Variants in TMEM178B observed in about 807,000 individuals in gnomAD.
TMEM178B encodes transmembrane protein 178B.
TMEM178B carries 5 observed loss-of-function variants against 31.0 expected under a neutral mutation model. The ratio of observed to expected loss-of-function variants is 0.16; its 90% CI spans 0.08 to 0.34. TMEM178B has a LOEUF of 0.34. TMEM178B is among the 10% of genes least tolerant of loss of function. The pLI is 1.00. For missense variants in TMEM178B, 275 were observed against 400.3 expected, an observed-to-expected ratio of 0.69 and a Z score of 2.67; for synonymous variants, 164 against 164.0, an observed-to-expected ratio of 1.00 and a Z score of 0.00.
chr7:141,459,878 G>A lies in TMEM178B; in HGVS notation c.635-10658G>A, dbSNP rs550442350. ...ATCCAATCTAAACTTACACCCAAAA[G>A]AACAAATGGATTGAAGGGAGCTGAG... On this transcript the variant is annotated intron_variant, in intron 3 of 3. Coordinates refer to ENST00000565468, the MANE Select transcript of TMEM178B (RefSeq NM_001195278.2). Among the ~76,000 whole-genome samples, 39 of 148,164 alleles carry A rather than the reference G, an allele frequency of 2.6e-4. No homozygotes were observed. In the South Asian group the frequency reaches 6.4e-3, roughly 24 times the overall value.
intron 2 of TMEM178B, among the ~76,000 whole-genome samples, chr7:141,262,366 A>G (rs963019112): frequency 6.6e-6 from 1 of 151,920 alleles, no homozygotes; most frequent in Non-Finnish European, 1.5e-5. Context: ...AATGATTTCA[A>G]ATAAAATGGA....
At chr7:141,396,686 A>G (rs1016610126) in intron 2 of TMEM178B, among the ~76,000 whole-genome samples, 1 of 152,198 alleles carries the variant, frequency 6.6e-6, no homozygotes, top group African/African-American at 2.4e-5. Context: ...GAAAAATGGG[A>G]TAAGGTTTAA....
intron 1 of TMEM178B, among the ~76,000 whole-genome samples, chr7:141,163,537 G>A (rs907686719): frequency 2.7e-5 from 4 of 149,942 alleles, no homozygotes; most frequent in Non-Finnish European, 4.4e-5. Context: ...TTTTGAGACG[G>A]TGTCTTGTTC....
chr7:141,492,321 C>A, the TMEM178B span, among the ~76,000 whole-genome samples: 1 of 152,192 alleles, frequency 6.6e-6, no homozygotes, highest in African/African-American at 2.4e-5. Context: ...AAAAGTAAAT[C>A]CTTCTCTCTT....
chr7:141,122,646 A>G (rs921587684), intron 1 of TMEM178B, among the ~76,000 whole-genome samples: 1 of 152,238 alleles, frequency 6.6e-6, no homozygotes, highest in Non-Finnish European at 1.5e-5. Context: ...AACTTTAAAT[A>G]TGATTACACA....
At chr7:141,371,268 T>A (rs1800110335) in intron 2 of TMEM178B, among the ~76,000 whole-genome samples, 1 of 151,972 alleles carries the variant, frequency 6.6e-6, no homozygotes, top group African/African-American at 2.4e-5. Flanking sequence ...GAGTTCTCAC[T>A]CTATTAGTTC....
chr7:141,165,180 A>T (rs566606578), intron 1 of TMEM178B, among the ~76,000 whole-genome samples: 182 of 78,120 alleles, frequency 2.3e-3, no homozygotes, highest in East Asian at 9.5e-3. Flanking sequence ...GCTTATTTTT[A>T]TACTAATGTC....
intron 2 of TMEM178B, among the ~76,000 whole-genome samples, chr7:141,411,313 C>T (rs1317736075): frequency 2.0e-5 from 3 of 151,990 alleles, no homozygotes; most frequent in African/African-American, 7.3e-5. Context: ...AATTTTAGTT[C>T]GGGAAGATGA....
At chr7:141,138,758 G>A (rs1466197833) in intron 1 of TMEM178B, among the ~76,000 whole-genome samples, 1 of 152,062 alleles carries the variant, frequency 6.6e-6, no homozygotes, top group African/African-American at 2.4e-5. Context: ...TGAGGCGGGT[G>A]GATCACGAGG....
chr7:141,457,365 G>A (rs960142173), intron 3 of TMEM178B, among the ~76,000 whole-genome samples: 4 of 152,150 alleles, frequency 2.6e-5, no homozygotes, highest in African/African-American at 9.7e-5. Flanking sequence ...ATAAAGAGGT[G>A]TATATATATA....
intron 2 of TMEM178B, among the ~76,000 whole-genome samples, chr7:141,319,657 A>C (rs1799064856): frequency 6.6e-6 from 1 of 152,090 alleles, no homozygotes; most frequent in African/African-American, 2.4e-5. Context: ...TCCTGCCTCA[A>C]CCTCCAGAGT....
At chr7:141,352,025 C>T (rs997851888) in intron 2 of TMEM178B, 3 of 152,444 alleles carry the variant, frequency 2.0e-5, no homozygotes, top group Non-Finnish European at 4.4e-5. Context: ...CCCATGCCCT[C>T]GCTGCAGGCC....
rs116392868 is a variant in TMEM178B, at chr7:141,370,828, G to A, written c.497-66780G>A. On this transcript the variant is annotated intron_variant, in intron 2 of 3. Coordinates refer to ENST00000565468, the MANE Select transcript of TMEM178B (RefSeq NM_001195278.2). ...GATATGCACATTGGTCTCCACCTAG[G>A]CAAGGACATCTGCTGTTTGACCACT... Among the ~76,000 whole-genome samples the A allele has an allele frequency of 5.2e-3, 792 of 152,350 alleles. 6 individuals carry two copies. Among genetic ancestry groups the A allele is most frequent in the African/African-American group, 0.018 (766 of 41,578 alleles).
chr7:141,415,834 T>G (rs1462863022), intron 2 of TMEM178B, among the ~76,000 whole-genome samples: 1 of 152,172 alleles, frequency 6.6e-6, no homozygotes, highest in Admixed American at 6.5e-5. Context: ...TCCAATCAGC[T>G]GTGAGAGATG....
At chr7:141,326,476 A>G (rs1339048363) in intron 2 of TMEM178B, among the ~76,000 whole-genome samples, 3 of 152,186 alleles carry the variant, frequency 2.0e-5, no homozygotes, top group African/African-American at 7.2e-5. Context: ...GTCTAAAGCT[A>G]TGATTGCTTG....
the TMEM178B span, among the ~76,000 whole-genome samples, chr7:141,502,322 A>T: frequency 0.99 from 150,369 of 151,610 alleles, 74,588 homozygotes; most frequent in East Asian, 1. Context: ...GAGGCCGGGG[A>T]TGGTGTCCAT....
rs572547515 is a variant in TMEM178B at position 141,322,395 on chromosome 7, G to T, written c.496+109691G>T. Reference sequence around the variant, plus strand: ...AAAAAAAAAAAATTAGCCGGGCATGGTGGCATATGCCTGTAGTCAGTCCCA... The same window carrying T: ...AAAAAAAAAAAATTAGCCGGGCATGTTGGCATATGCCTGTAGTCAGTCCCA... On this transcript the variant is annotated intron_variant, in intron 2 of 3. Coordinates refer to ENST00000565468, the MANE Select transcript of TMEM178B (RefSeq NM_001195278.2). Among the ~76,000 whole-genome samples the T allele has an allele frequency of 7.9e-5, 12 of 151,946 alleles. No homozygotes were observed. The East Asian group carries it at 2.3e-3, about 30-fold the overall frequency.
intron 2 of TMEM178B, chr7:141,351,884 T>G (rs1380812623): frequency 2.0e-5 from 3 of 152,092 alleles, no homozygotes; most frequent in Admixed American, 6.6e-5. Flanking sequence ...CAGAAAGAAA[T>G]AAGAAAGAGA....
At chr7:141,137,900 A>G (rs1031171877) in intron 1 of TMEM178B, among the ~76,000 whole-genome samples, 1 of 152,144 alleles carries the variant, frequency 6.6e-6, no homozygotes, top group Non-Finnish European at 1.5e-5. Context: ...TTGACACAGT[A>G]TTTAGTTGTC....
Sources: gnomAD v4.1 joint callset for allele counts (sites outside exome capture counted in the v4.1 genomes callset) on GRCh38, gnomAD v4.1.1 for gene constraint, MANE v1.5 for transcripts, NCBI Gene and HGNC (gene_info 2026-07-23, HGNC 2026-07-21) for gene names.